The following CCSER2 variants were observed in gnomAD, a reference collection of about 807,000 sequenced individuals.
The protein encoded by CCSER2 is coiled-coil serine rich protein 2, also known as serine-rich coiled-coil domain-containing protein 2.
Under a neutral mutation model 92.3 loss-of-function variants are expected in CCSER2, and 46 were observed. That is an observed-to-expected ratio of 0.50 (90% CI 0.39 to 0.64). The LOEUF is 0.64. Ranked by LOEUF, CCSER2 falls within the 30% of genes least tolerant of loss-of-function variation. The probability of loss-of-function intolerance (pLI) is 0.00; values close to 1 mark genes in which losing one functional copy is unlikely to be tolerated. For missense variants in CCSER2, 1,244 were observed against 1,238.9 expected, an observed-to-expected ratio of 1.00 and a Z score of -0.06; for synonymous variants, 433 against 431.4, an observed-to-expected ratio of 1.00 and a Z score of -0.04.
At chr10:84,338,009 C>T (rs376310451) in intron 1 of CCSER2, among the ~76,000 whole-genome samples, 1 of 152,208 alleles carries the variant, frequency 6.6e-6, no homozygotes, top group Non-Finnish European at 1.5e-5. Flanking sequence ...GGGCTGGGCA[C>T]GGTGGCTCAG....
rs74965629 is a variant in CCSER2 at position 84,364,462 on chromosome 10, C to T, written c.-39-6552C>T. ...CCCTGGAATCAGGTAAACTTGAACC[C>T]GAATCCTCTTTGACAGTTTATGAAT... On this transcript the variant is annotated intron_variant, in intron 1 of 9. Transcript: ENST00000372088. 3.0e-3 allele frequency among the ~76,000 whole-genome samples: 464 copies of T among 152,194 alleles called. 4 individuals are homozygous for T. The highest frequency in any genetic ancestry group is 0.011 in the African/African-American group (441 of 41,528).
intron 5 of CCSER2, among the ~76,000 whole-genome samples, chr10:84,427,179 T>C (rs947237597): frequency 8.5e-5 from 13 of 152,190 alleles, no homozygotes; most frequent in African/African-American, 3.1e-4. Context: ...CACAGCATTC[T>C]TAGGGGTTGC....
Position 84,428,985 on chromosome 10 carries a change from G to GTATATATATATATA in CCSER2, c.1868+3109_1868+3122dup, listed in dbSNP as rs60243946. The stretch of plus-strand genomic sequence containing the variant: ...GAAGATTTTTTTTGTGTGTGTATGT[G>GTATATATATATATA]TATATATATATATATATATATATAT... On this transcript the variant is annotated intron_variant, in intron 5 of 9. Coordinates refer to ENST00000372088, the MANE Select transcript of CCSER2 (RefSeq NM_001284240.2). 6.2e-3 allele frequency among the ~76,000 whole-genome samples: 872 copies of GTATATATATATATA among 140,566 alleles called. 6 individuals carry two copies. The highest frequency in any genetic ancestry group is 0.011 in the Middle Eastern group (3 of 266). 92.2% of individuals were successfully genotyped at this position (140,566 alleles called of 152,430 possible).
chr10:84,491,198 TGAG>T (rs1848141787), intron 9 of CCSER2, among the ~76,000 whole-genome samples: 1 of 152,172 alleles, frequency 6.6e-6, no homozygotes, highest in African/African-American at 2.4e-5. Flanking sequence ...GGGACCCACT[TGAG>T]GAGGCAGTCT....
intron 1 of CCSER2, among the ~76,000 whole-genome samples, chr10:84,360,837 A>G (rs1845459658): frequency 6.6e-6 from 1 of 152,244 alleles, no homozygotes; most frequent in South Asian, 2.1e-4. Context: ...GATACACACA[A>G]GCACTGTGGA....
intron 8 of CCSER2, among the ~76,000 whole-genome samples, chr10:84,474,922 C>G (rs1847047504): frequency 6.6e-6 from 1 of 152,066 alleles, no homozygotes; most frequent in Non-Finnish European, 1.5e-5. Context: ...TTATGTAGGT[C>G]CCATCCATTT....
intron 1 of CCSER2, among the ~76,000 whole-genome samples, chr10:84,329,263 T>G (rs1303783763): frequency 6.6e-6 from 1 of 152,244 alleles, no homozygotes; most frequent in Non-Finnish European, 1.5e-5. Flanking sequence ...GGGCACACCG[T>G]TGCCGTAGGT....
At chr10:84,385,473 C>G (rs1394279778) in intron 3 of CCSER2, among the ~76,000 whole-genome samples, 2 of 152,160 alleles carry the variant, frequency 1.3e-5, no homozygotes, top group African/African-American at 2.4e-5. Flanking sequence ...TCTGACTGAA[C>G]TTCGACAGAA....
chr10:84,378,709 A>G (rs1846476294), intron 3 of CCSER2, among the ~76,000 whole-genome samples: 2 of 152,190 alleles, frequency 1.3e-5, no homozygotes, highest in Non-Finnish European at 2.9e-5. Context: ...TAGTGGGATT[A>G]CAGGCATGTG....
At chr10:84,433,480 A>G (rs1470733930) in intron 5 of CCSER2, among the ~76,000 whole-genome samples, 1 of 152,064 alleles carries the variant, frequency 6.6e-6, no homozygotes, top group Non-Finnish European at 1.5e-5. Flanking sequence ...CAGATATACA[A>G]ACATCTGCAC....
intron 1 of CCSER2, among the ~76,000 whole-genome samples, chr10:84,347,529 CG>C (rs1189917568): frequency 4.0e-5 from 6 of 149,280 alleles, no homozygotes; most frequent in African/African-American, 1.5e-4. Flanking sequence ...CCCTCCCGGA[CG>C]GGGCGGCTGG....
chr10:84,438,182 A>G (rs942440259), intron 5 of CCSER2, among the ~76,000 whole-genome samples: 1 of 152,228 alleles, frequency 6.6e-6, no homozygotes, highest in African/African-American at 2.4e-5. Flanking sequence ...AATGAACAAC[A>G]GTCAGTGCAG....
chr10:84,347,463 C>A (rs572056762), intron 1 of CCSER2, among the ~76,000 whole-genome samples: 3 of 149,556 alleles, frequency 2.0e-5, no homozygotes, highest in South Asian at 4.2e-4. Context: ...GGGGGCTGAC[C>A]CCCCACCTCC....
intron 6 of CCSER2, among the ~76,000 whole-genome samples, chr10:84,444,057 G>T (rs1472285630): frequency 2.6e-5 from 4 of 152,034 alleles, no homozygotes; most frequent in Non-Finnish European, 5.9e-5. Flanking sequence ...AGGTCAATGG[G>T]TGTAGCAAAC....
At chr10:84,498,460 T>A (rs1267055465) in intron 9 of CCSER2, among the ~76,000 whole-genome samples, 1 of 152,006 alleles carries the variant, frequency 6.6e-6, no homozygotes, top group African/African-American at 2.4e-5. Flanking sequence ...TTTCCCTTCA[T>A]CAACATAGAA....
At chr10:84,452,406 G>A (rs1220328010) in intron 6 of CCSER2, 1 of 152,186 alleles carries the variant, frequency 6.6e-6, no homozygotes, top group African/African-American at 2.4e-5. Context: ...AAAAAGAAGA[G>A]TGGAAGATGG....
chr10:84,458,543 C>A (rs753385405), intron 6 of CCSER2, among the ~76,000 whole-genome samples: 1 of 152,010 alleles, frequency 6.6e-6, no homozygotes, highest in African/African-American at 2.4e-5. Context: ...TTAGAAGCAG[C>A]GTTTCTATTT....
Position 84,362,777 on chromosome 10 carries a change from T to G in CCSER2, c.-39-8237T>G, listed in dbSNP as rs74147545. Among the ~76,000 whole-genome samples, 120 of 152,256 alleles carry G rather than the reference T, an allele frequency of 7.9e-4. 1 individual carries two copies. The highest frequency in any genetic ancestry group is 2.8e-3 in the African/African-American group (117 of 41,572). On this transcript the variant is annotated intron_variant, in intron 1 of 9. Coordinates refer to ENST00000372088, the MANE Select transcript of CCSER2 (RefSeq NM_001284240.2). ...AAGCGCACCATTTTAAACCTTTACT[T>G]TGGCTAAAGTTGTCATTTTTGCTTA...
chr10:84,468,578 G>C (rs1449503506), intron 7 of CCSER2, among the ~76,000 whole-genome samples: 3 of 152,154 alleles, frequency 2.0e-5, no homozygotes, highest in Non-Finnish European at 4.4e-5. Flanking sequence ...AATGTTCTTA[G>C]CACATTATTT....
Sources: allele counts gnomAD v4.1 joint callset (sites outside exome capture counted in the v4.1 genomes callset), GRCh38; gene constraint gnomAD v4.1.1; transcripts MANE v1.5; gene names NCBI Gene and HGNC (gene_info 2026-07-23, HGNC 2026-07-21).